The following EPHA6 variants were observed in gnomAD, a reference collection of about 807,000 sequenced individuals.
The protein encoded by EPHA6 is ephrin type-A receptor 6.
A neutral mutation model predicts 112.0 loss-of-function variants in EPHA6; 50 were observed. That is an observed-to-expected ratio of 0.45 (90% confidence interval 0.36 to 0.56). The LOEUF is 0.56. Ranked by LOEUF, EPHA6 falls within the 20% of genes least tolerant of loss-of-function variation. The pLI is 0.00. For synonymous variants in EPHA6, 529 were observed against 490.7 expected (o/e 1.08, Z -1.03); for missense variants, 1,280 against 1,417.4 (o/e 0.90, Z 1.56).
At chr3:96,852,762 AATAACTGCATCT>A (rs1313095264) in intron 1 of EPHA6, among the ~76,000 whole-genome samples, 1 of 152,130 alleles carries the variant, frequency 6.6e-6, no homozygotes, top group Non-Finnish European at 1.5e-5. Context: ...AGATGCAGAT[AATAACTGCATCT>A]GTTGGTGTTT....
chr3:97,651,017 A>G (rs992506103), intron 14 of EPHA6, among the ~76,000 whole-genome samples: 2 of 152,074 alleles, frequency 1.3e-5, no homozygotes, highest in African/African-American at 4.8e-5. Context: ...TTGTCCTAAG[A>G]TAACATTTGC....
At chr3:97,179,739 C>CTG (rs1461147203) in intron 3 of EPHA6, among the ~76,000 whole-genome samples, 21 of 150,862 alleles carry the variant, frequency 1.4e-4, no homozygotes, top group Non-Finnish European at 2.5e-4. Context: ...CTCTCTCTCT[C>CTG]TCTCTCTCTC....
At chr3:97,321,008 C>T (rs760876098) in intron 5 of EPHA6, among the ~76,000 whole-genome samples, 1 of 151,884 alleles carries the variant, frequency 6.6e-6, no homozygotes, top group Non-Finnish European at 1.5e-5. Context: ...TACATAGCTT[C>T]ATCTGCACAA....
chr3:97,057,288 T>C (rs371224515), intron 3 of EPHA6, among the ~76,000 whole-genome samples: 1 of 152,204 alleles, frequency 6.6e-6, no homozygotes, highest in African/African-American at 2.4e-5. Context: ...GGAGGAGATA[T>C]TAGGAAAAAT....
chr3:97,046,134 G>A (rs2045498264), intron 3 of EPHA6, among the ~76,000 whole-genome samples: 1 of 151,958 alleles, frequency 6.6e-6, no homozygotes, highest in Non-Finnish European at 1.5e-5. Flanking sequence ...AGTATAAAAA[G>A]GACAAATCAA....
intron 3 of EPHA6, among the ~76,000 whole-genome samples, chr3:97,089,797 A>G (rs1169419931): frequency 1.3e-5 from 2 of 150,484 alleles, no homozygotes; most frequent in African/African-American, 4.8e-5. Context: ...TGGTAAGCCC[A>G]TCAAACTCTA....
chr3:97,418,780 G>A (rs2088349689), intron 6 of EPHA6, among the ~76,000 whole-genome samples: 1 of 151,956 alleles, frequency 6.6e-6, no homozygotes, highest in South Asian at 2.1e-4. Flanking sequence ...AAAAATACAT[G>A]TATAAAATAG....
chr3:97,660,465 T>C (rs1198322289), intron 14 of EPHA6, among the ~76,000 whole-genome samples: 10 of 152,104 alleles, frequency 6.6e-5, no homozygotes, highest in Admixed American at 4.6e-4. Flanking sequence ...TCAGTGTATG[T>C]AGCTTGAATT....
intron 2 of EPHA6, among the ~76,000 whole-genome samples, chr3:96,941,473 C>T (rs561543671): frequency 6.6e-5 from 10 of 152,172 alleles, no homozygotes; most frequent in African/African-American, 1.4e-4. Context: ...CACTTCTGTG[C>T]ATTGGTTATT....
chr3:97,112,069 A>G (rs1179494789), intron 3 of EPHA6, among the ~76,000 whole-genome samples: 3 of 152,152 alleles, frequency 2.0e-5, no homozygotes, highest in African/African-American at 7.2e-5. Flanking sequence ...GTTGCTGCCT[A>G]CAACTTAAAA....
intron 15 of EPHA6, among the ~76,000 whole-genome samples, chr3:97,723,855 G>T (rs1213918026): frequency 6.6e-6 from 1 of 152,304 alleles, no homozygotes; most frequent in South Asian, 2.1e-4. Context: ...TTGGAAGTCA[G>T]CATAACTGTG....
At chr3:97,385,106 A>C (rs947896063) in intron 5 of EPHA6, among the ~76,000 whole-genome samples, 8 of 152,246 alleles carry the variant, frequency 5.3e-5, no homozygotes, top group Non-Finnish European at 1.2e-4. Context: ...AACTAGATCC[A>C]GCTCATCATA....
At chr3:96,870,066 A>G (rs557558530) in intron 2 of EPHA6, among the ~76,000 whole-genome samples, 1 of 152,112 alleles carries the variant, frequency 6.6e-6, no homozygotes, top group Non-Finnish European at 1.5e-5. Context: ...GAAATACTTC[A>G]TGTATTGGTC....
At chr3:97,447,541 T>C (rs1173030949) in intron 6 of EPHA6, among the ~76,000 whole-genome samples, 3 of 152,150 alleles carry the variant, frequency 2.0e-5, no homozygotes, top group Admixed American at 6.5e-5. Flanking sequence ...CCAGATACCC[T>C]ATTAAAATAT....
chr3:97,156,853 A>AT (rs2076299621), intron 3 of EPHA6, among the ~76,000 whole-genome samples: 1 of 152,154 alleles, frequency 6.6e-6, no homozygotes, highest in African/African-American at 2.4e-5. Context: ...ATGTATCCCT[A>AT]TTCTCAAACA....
intron 14 of EPHA6, among the ~76,000 whole-genome samples, chr3:97,673,139 A>G (rs1469442318): frequency 6.6e-6 from 1 of 152,210 alleles, no homozygotes; most frequent in Non-Finnish European, 1.5e-5. Context: ...AATTATCCTC[A>G]CATTACTTTC....
intron 14 of EPHA6, among the ~76,000 whole-genome samples, chr3:97,682,172 C>G (rs1254557907): frequency 6.6e-6 from 1 of 151,952 alleles, no homozygotes; most frequent in Non-Finnish European, 1.5e-5. Flanking sequence ...TCCCTCTTGC[C>G]TAGTCTGTGG....
chr3:97,346,667 A>G (rs1191616864), intron 5 of EPHA6, among the ~76,000 whole-genome samples: 1 of 145,714 alleles, frequency 6.9e-6, no homozygotes, highest in Non-Finnish European at 1.5e-5. Context: ...CAGATGTTCA[A>G]TTTTTTTTTT....
intron 1 of EPHA6, among the ~76,000 whole-genome samples, chr3:96,829,832 A>G (rs1265377988): frequency 6.6e-6 from 1 of 152,092 alleles, no homozygotes; most frequent in African/African-American, 2.4e-5. Flanking sequence ...AATTTTGCTT[A>G]AAATTTCAAA....
Sources: allele counts gnomAD v4.1 joint callset (sites outside exome capture counted in the v4.1 genomes callset), GRCh38; gene constraint gnomAD v4.1.1; transcripts MANE v1.5; gene names NCBI Gene and HGNC (gene_info 2026-07-23, HGNC 2026-07-21).